The following CEBPZOS variants were observed in gnomAD, a reference collection of about 807,000 sequenced individuals.
CEBPZOS encodes CEBPZ opposite strand.
A neutral mutation model predicts 4.8 loss-of-function variants in CEBPZOS; 10 were observed. The ratio of observed to expected loss-of-function variants is 2.07; its 90% CI spans 1.28 to 3.52. The LOEUF (loss-of-function observed/expected upper bound fraction) is 3.52, where lower values mean the gene tolerates loss of function less well. Ranked by LOEUF, CEBPZOS falls within the 30% of genes most tolerant of loss-of-function variation. CEBPZOS has a pLI of 0.00. For missense variants in CEBPZOS, 98 were observed against 43.6 expected (o/e 2.25, Z -3.51); for synonymous variants, 25 against 14.2 (o/e 1.77, Z -1.72).
chr2:37,211,855 C>T (rs1237991406), intron 4 of CEBPZOS: 4 of 1,600,224 alleles, frequency 2.5e-6, no homozygotes, highest in Non-Finnish European at 3.4e-6. Flanking sequence ...GGAACGCTCT[C>T]ACTTTCATCA....
chr2:37,211,854 T>C (rs1312546824), intron 4 of CEBPZOS: 1 of 1,599,240 alleles, frequency 6.3e-7, no homozygotes, highest in East Asian at 2.2e-5. Flanking sequence ...TGGAACGCTC[T>C]CACTTTCATC....
At chr2:37,212,318 A>T in intron 4 of CEBPZOS, 2 of 1,606,684 alleles carry the variant, frequency 1.2e-6, no homozygotes, top group Non-Finnish European at 1.7e-6. Context: ...AGGAAGGAGA[A>T]GATAGAAGTA....
Position 37,202,678 on chromosome 2 carries a change from A to AAAGAAT in CEBPZOS, c.*820_*821insGAATAA. 4.9e-6 allele frequency: 1 copy of AAAGAAT among 205,274 alleles called. No individual in the cohort carries two copies. The allele number at this position is 205,274 out of a possible 1,614,324, so 12.7% of individuals were successfully genotyped here. A position where few individuals can be genotyped will look rare whatever the true frequency, so the allele number is the denominator to read the frequency against. Reference sequence around the variant, plus strand: ...AAAAAAAAAAAAAAAAAAAAAAAAAAAAAAAAAAAAAAAAGAATAAATAAA... The same window carrying AAAGAAT: ...AAAAAAAAAAAAAAAAAAAAAAAAAAAAGAATAAAAAAAAAAAAAAGAATAAATAAA... On this transcript the variant is annotated 3_prime_UTR_variant, in exon 5 of 5. Coordinates refer to ENST00000402297, the MANE Select transcript of CEBPZOS (RefSeq NM_001322374.2).
At chr2:37,208,815 A>C (rs1677622806), downstream of CEBPZOS, 1 of 152,170 alleles carries the variant, frequency 6.6e-6, no homozygotes, top group Non-Finnish European at 1.5e-5. Flanking sequence ...AGAGAAAGAA[A>C]GGGCATTCAA....
chr2:37,202,768 A>T lies in CEBPZOS; in HGVS notation c.*908A>T, dbSNP rs777950264. ...GCTATTTTTAAAACATCAATAAAAA[A>T]ATTTAAGTTACTTACTTGCATTATC... On this transcript the variant is annotated 3_prime_UTR_variant, in exon 5 of 5. Coordinates refer to ENST00000402297, the MANE Select transcript of CEBPZOS (RefSeq NM_001322374.2). 1.3e-6 allele frequency: 2 copies of T among 1,491,770 alleles called. No individual in the cohort carries two copies. Among genetic ancestry groups the T allele is most frequent in the Non-Finnish European group, 1.8e-6 (2 of 1,110,512 alleles). The allele number at this position is 1,491,770 out of a possible 1,614,324, so 92.4% of individuals were successfully genotyped here. A position where few individuals can be genotyped will look rare whatever the true frequency, so the allele number is the denominator to read the frequency against.
Position 37,199,759 on chromosome 2 carries a change from G to A in CEBPZOS, c.55G>A (p.Ala19Thr). 4.2e-6 allele frequency: 3 copies of A among 717,564 alleles called. No homozygotes were observed. Among genetic ancestry groups the A allele is most frequent in the Non-Finnish European group, 7.8e-6 (3 of 385,084 alleles). 44.4% of individuals were successfully genotyped at this position (717,564 alleles called of 1,614,324 possible). ...GAAGATCTTTAAAGGAGTTTTGGTA[G>A]CCGAACTTGTAGGCGTTTTTGGAGC... ...AKKIFKGVLV[A>T]ELVGVFGAYF... Residue 19 changes from alanine to threonine, a missense_variant, in exon 2 of 5, where the codon GCC becomes ACC. Ala to Thr is a moderately conservative substitution (Grantham distance 58). Coordinates refer to ENST00000402297, the MANE Select transcript of CEBPZOS (RefSeq NM_001322374.2).
downstream of CEBPZOS, among the ~76,000 whole-genome samples, chr2:37,205,371 C>T (rs566112078): frequency 6.6e-6 from 1 of 152,192 alleles, no homozygotes; most frequent in Non-Finnish European, 1.5e-5. Context: ...ATGACATTAT[C>T]TTGTGAAATT....
intron 1 of CEBPZOS, among the ~76,000 whole-genome samples, chr2:37,196,939 T>C (rs1676971794): frequency 6.6e-6 from 1 of 152,166 alleles, no homozygotes; most frequent in Admixed American, 6.5e-5. Flanking sequence ...ACGTTGCTGC[T>C]TGAAACCGCG....
downstream of CEBPZOS, among the ~76,000 whole-genome samples, chr2:37,207,758 ACAAAT>A (rs1677587289): frequency 6.6e-6 from 1 of 152,128 alleles, no homozygotes; most frequent in African/African-American, 2.4e-5. Flanking sequence ...AGAAACAAGA[ACAAAT>A]CAAACTCAAA....
At chr2:37,210,129 G>C (rs183478489) in intron 4 of CEBPZOS, 2 of 152,236 alleles carry the variant, frequency 1.3e-5, no homozygotes, top group Admixed American at 1.3e-4. Context: ...AAAAATTTCA[G>C]ATGTTGGCAT....
intron 4 of CEBPZOS, chr2:37,209,757 C>G (rs1393425715): frequency 2.0e-5 from 3 of 152,040 alleles, no homozygotes; most frequent in Non-Finnish European, 4.4e-5. Context: ...AACCTAAATG[C>G]AAATGCAACA....
In CEBPZOS at chr2:37,201,948, C is replaced by T; in HGVS notation, c.*88C>T. On this transcript the variant is annotated 3_prime_UTR_variant, in exon 5 of 5. Coordinates refer to ENST00000402297, the MANE Select transcript of CEBPZOS (RefSeq NM_001322374.2). ...GATGAGTGTACTACCACACTGTAGA[C>T]TCTTGGTGGTCCCACAGAACATGCT... 6.4e-7 allele frequency: 1 copy of T among 1,565,056 alleles called. No homozygotes were observed. Among genetic ancestry groups the T allele is most frequent in the East Asian group, 2.2e-5 (1 of 44,526 alleles).
downstream of CEBPZOS, chr2:37,216,086 C>T: frequency 8.2e-7 from 1 of 1,218,226 alleles, no homozygotes; most frequent in South Asian, 1.3e-5. Context: ...ACAATTTATG[C>T]ATCTTTGTCT....
downstream of CEBPZOS, among the ~76,000 whole-genome samples, chr2:37,205,261 C>T (rs1484436612): frequency 6.6e-6 from 1 of 152,152 alleles, no homozygotes; most frequent in Non-Finnish European, 1.5e-5. Flanking sequence ...CATCATATCC[C>T]CTGTGACCTG....
At chr2:37,205,793 CT>C (rs1677518353), downstream of CEBPZOS, among the ~76,000 whole-genome samples, 1 of 152,184 alleles carries the variant, frequency 6.6e-6, no homozygotes, top group Admixed American at 6.5e-5. Flanking sequence ...TGATACAGCA[CT>C]TTTTTCTTTT....
chr2:37,212,104 C>CT, intron 4 of CEBPZOS: 3 of 1,375,970 alleles, frequency 2.2e-6, no homozygotes, highest in Non-Finnish European at 2.0e-6. Flanking sequence ...GTTTTGCTGA[C>CT]TACTAGGGCA....
downstream of CEBPZOS, among the ~76,000 whole-genome samples, chr2:37,205,158 G>A (rs533432527): frequency 6.6e-6 from 1 of 152,308 alleles, no homozygotes; most frequent in East Asian, 1.9e-4. Flanking sequence ...GTATTTGAAA[G>A]AGCTGATAAA....
chr2:37,203,053 G>C lies in CEBPZOS; in HGVS notation c.*1193G>C. 2 of 1,299,416 alleles carry C rather than the reference G, an allele frequency of 1.5e-6. No homozygotes were observed. The highest frequency in any genetic ancestry group is 2.1e-6 in the Non-Finnish European group (2 of 950,706). 80.5% of individuals were successfully genotyped at this position (1,299,416 alleles called of 1,614,324 possible). A position where few individuals can be genotyped will look rare whatever the true frequency, so the allele number is the denominator to read the frequency against. ...TACATTATTCAATTATAAATCTAAT[G>C]ATTTTAGAAAAATGCAATGCAACAT... On this transcript the variant is annotated 3_prime_UTR_variant, in exon 5 of 5. Coordinates refer to ENST00000402297, the MANE Select transcript of CEBPZOS (RefSeq NM_001322374.2).
In CEBPZOS at chr2:37,199,803, G is replaced by C. The variant is rs1001878456; in HGVS notation, c.99G>C (p.Lys33Asn). The change falls in exon 2 of 5, where the codon AAG (lysine) becomes AAC (asparagine). Residue 33 changes from lysine to asparagine, a missense_variant. Coordinates refer to ENST00000402297, the MANE Select transcript of CEBPZOS (RefSeq NM_001322374.2). ...TTGGAGCATATTTTTTGTTTAGCAA[G>C]ATGCACACAAGCCAAGGTAATCATA... Reference protein sequence around the residue: ...GVFGAYFLFSKMHTSQDFRQT... With the variant: ...GVFGAYFLFSNMHTSQDFRQT... The C allele has an allele frequency of 5.6e-6, 4 of 717,700 alleles. No individual in the cohort carries two copies. Among genetic ancestry groups the C allele is most frequent in the Non-Finnish European group, 1.0e-5 (4 of 385,110 alleles). 44.5% of individuals were successfully genotyped at this position (717,700 alleles called of 1,614,324 possible).
Sources: allele counts gnomAD v4.1 joint callset (sites outside exome capture counted in the v4.1 genomes callset), GRCh38; gene constraint gnomAD v4.1.1; transcripts MANE v1.5; gene names NCBI Gene and HGNC (gene_info 2026-07-23, HGNC 2026-07-21).